The following PPP1R15B variants were observed in gnomAD, a reference collection of about 807,000 sequenced individuals.
PPP1R15B encodes protein phosphatase 1 regulatory subunit 15B, also known as protein phosphatase 1, regulatory (inhibitor) subunit 15B.
PPP1R15B carries 31 observed loss-of-function variants against 53.9 expected under a neutral mutation model. That is an observed-to-expected ratio of 0.58 (90% CI 0.43 to 0.78). The LOEUF (loss-of-function observed/expected upper bound fraction) is 0.78. PPP1R15B is among the 30% of genes least tolerant of loss of function. PPP1R15B has a pLI of 0.00. For synonymous variants in PPP1R15B, 345 were observed against 329.1 expected (o/e 1.05, Z -0.52); for missense variants, 928 against 849.6 (o/e 1.09, Z -1.15).
chr1:204,406,097 A>G lies in PPP1R15B; in HGVS notation c.2137T>C (p.Cys713Arg), dbSNP rs1455659861. ...TAGGACTACAGGCTGCCAACTCAAC[A>G]TTGCTTGAGAACATTAAGTCCTTTG... is the stretch of plus-strand genomic sequence containing the variant. ...CFKGLNVLKQC is the reference protein window; with the variant it reads ...CFKGLNVLKQR The change falls in exon 2 of 2, where the codon TGT (cysteine) becomes CGT (arginine). Residue 713 changes from cysteine (C) to arginine (R), a missense_variant. Coordinates refer to ENST00000367188, the MANE Select transcript of PPP1R15B (RefSeq NM_032833.5). The G allele has an allele frequency of 6.2e-7, 1 of 1,614,038 alleles. No individual in the cohort carries two copies. The highest frequency in any genetic ancestry group is 8.5e-7 in the Non-Finnish European group (1 of 1,179,974).
At position 204,410,697 on chromosome 1, in the gene PPP1R15B, G is replaced by C. The variant is rs1442107422; in HGVS notation, c.715C>G (p.Gln239Glu). The change falls in exon 1 of 2, where the codon CAG (glutamine) becomes GAG (glutamate). Residue 239 changes from glutamine to glutamate, a missense_variant. By Grantham distance (29) the Gln-to-Glu change is conservative. Coordinates refer to ENST00000367188, the MANE Select transcript of PPP1R15B (RefSeq NM_032833.5). ...ACCTCGCTATTTCCATCACTGTTCT[G>C]ATAGCTGACTTCTAGCCTAGGAAAG... Reference protein sequence around the residue: ...DCFPRLEVSYQNSDGNSEVVG... With the variant: ...DCFPRLEVSYENSDGNSEVVG... 2.5e-6 allele frequency: 4 copies of C among 1,614,130 alleles called. No individual in the cohort carries two copies. The highest frequency in any genetic ancestry group is 1.7e-6 in the Non-Finnish European group (2 of 1,179,984).
At position 204,411,381 on chromosome 1, in the gene PPP1R15B, G is replaced by A; in HGVS notation, c.31C>T (p.Arg11Trp). Residue 11 changes from arginine to tryptophan, a missense_variant, in exon 1 of 2, where the codon CGG (arginine) becomes TGG (tryptophan). By Grantham distance (101) the Arg-to-Trp change is moderately radical. Transcript: ENST00000367188. MEPGTGGSRK[R>W]LGPRAGFRFW... ...CGGAAGCCCGCCCGAGGGCCAAGCC[G>A]TTTCCGCGATCCGCCTGTCCCCGGC... 2 of 1,613,110 alleles carry A rather than the reference G, an allele frequency of 1.2e-6. No individual in the cohort carries two copies. Among genetic ancestry groups the A allele is most frequent in the African/African-American group, 1.3e-5 (1 of 75,034 alleles).
chr1:204,410,955 G>A lies in PPP1R15B; in HGVS notation c.457C>T (p.Pro153Ser), dbSNP rs1452524715. 3 of 1,614,152 alleles carry A rather than the reference G, an allele frequency of 1.9e-6. No individual in the cohort carries two copies. Among genetic ancestry groups the A allele is most frequent in the African/African-American group, 1.3e-5 (1 of 75,030 alleles). ...LEEGIHWQYS[P>S]PDLKLELKAK... ...TTAAGCTCCAATTTTAGGTCTGGGG[G>A]CGAGTATTGCCAGTGGATCCCCTCC... Residue 153 changes from proline (P) to serine (S), a missense_variant, in exon 1 of 2, where the codon CCC becomes TCC. By Grantham distance (74) the Pro-to-Ser change is moderately conservative (BLOSUM62 -1). Transcript: ENST00000367188.
In PPP1R15B at chr1:204,405,715, T is replaced by C. The variant is rs1674254280; in HGVS notation, c.*377A>G. 1 of 994,042 alleles carries C rather than the reference T, an allele frequency of 1.0e-6. No individual in the cohort carries two copies. The allele number at this position is 994,042 out of a possible 1,614,324, so 61.6% of individuals were successfully genotyped here. A position where few individuals can be genotyped will look rare whatever the true frequency, so the allele number is the denominator to read the frequency against. ...AAAGTTTTCAGATAGGCACACATAA[T>C]TTAGATTAGAAATGAAAATGGGCTT... On this transcript the variant is annotated 3_prime_UTR_variant, in exon 2 of 2. Coordinates refer to ENST00000367188, the MANE Select transcript of PPP1R15B (RefSeq NM_032833.5).
downstream of PPP1R15B, among the ~76,000 whole-genome samples, chr1:204,398,081 G>A (rs956748042): frequency 1.3e-5 from 2 of 152,180 alleles, no homozygotes; most frequent in African/African-American, 4.8e-5. Flanking sequence ...AGTGTATCAT[G>A]TGTCTAAAAT....
chr1:204,403,662 A>G lies in PPP1R15B; in HGVS notation c.*2430T>C, dbSNP rs1674216418. On this transcript the variant is annotated 3_prime_UTR_variant, in exon 2 of 2. Transcript: ENST00000367188. ...CTGTACAAAGCCTTTTACATGCTAC[A>G]TTGACACTTAAAGCACCATTAACAA... 4.1e-6 allele frequency: 4 copies of G among 984,910 alleles called. No homozygotes were observed. The highest frequency in any genetic ancestry group is 4.8e-6 in the Non-Finnish European group (4 of 829,016). The allele number at this position is 984,910 out of a possible 1,614,324, so 61.0% of individuals were successfully genotyped here.
chr1:204,408,463 T>G (rs1448411871), intron 1 of PPP1R15B, among the ~76,000 whole-genome samples: 1 of 152,190 alleles, frequency 6.6e-6, no homozygotes, highest in Non-Finnish European at 1.5e-5. Context: ...AATTTCAAAG[T>G]AGTAAGCTGG....
At chr1:204,400,337 T>C (rs1048266431), downstream of PPP1R15B, among the ~76,000 whole-genome samples, 1 of 151,548 alleles carries the variant, frequency 6.6e-6, no homozygotes, top group Non-Finnish European at 1.5e-5. Flanking sequence ...TGAAAGTTAA[T>C]CCATCTTTTT....
chr1:204,409,439 G>T (rs928925996), intron 1 of PPP1R15B, 53 bp downstream of exon 1: 2 of 1,533,184 alleles, frequency 1.3e-6, no homozygotes, highest in African/African-American at 1.4e-5. Context: ...CTATATTTAA[G>T]CATATAAAAA....
chr1:204,402,490 C>A (rs917324339), downstream of PPP1R15B, among the ~76,000 whole-genome samples: 4 of 152,116 alleles, frequency 2.6e-5, no homozygotes, highest in South Asian at 2.1e-4. Context: ...TCACTGCAGG[C>A]TTGAACTTCT....
In PPP1R15B at chr1:204,409,874, T is replaced by C. The variant is rs1270757016; in HGVS notation, c.1538A>G (p.Asp513Gly). The change falls in exon 1 of 2, where the codon GAT becomes GGT. Residue 513 changes from aspartate (D) to glycine (G), a missense_variant. Asp to Gly is a moderately conservative substitution (Grantham distance 94). Transcript: ENST00000367188. ...CTCTAGATCAGACTTGCCAGACAAA[T>C]CCTTCTCTGAATCAGAAGGCTCTTC... is the stretch of plus-strand genomic sequence containing the variant. ...VPEEPSDSEK[D>G]LSGKSDLENS... 6.8e-6 allele frequency: 11 copies of C among 1,613,990 alleles called. No individual in the cohort carries two copies. The highest frequency in any genetic ancestry group is 1.3e-5 in the African/African-American group (1 of 74,906).
downstream of PPP1R15B, among the ~76,000 whole-genome samples, chr1:204,396,935 T>G (rs572231400): frequency 3.5e-4 from 54 of 152,244 alleles, no homozygotes; most frequent in African/African-American, 1.3e-3. Context: ...GGCTCACACC[T>G]GTAATCTCAA....
chr1:204,403,007 G>C (rs768107574), downstream of PPP1R15B, among the ~76,000 whole-genome samples: 1 of 152,112 alleles, frequency 6.6e-6, no homozygotes, highest in Non-Finnish European at 1.5e-5. Context: ...GGAAGGTGGA[G>C]GTTGCAGTGA....
intron 1 of PPP1R15B, among the ~76,000 whole-genome samples, chr1:204,407,770 A>C (rs1007243383): frequency 3.9e-5 from 6 of 152,158 alleles, no homozygotes; most frequent in African/African-American, 7.2e-5. Context: ...TATCATCCCC[A>C]TTATACCGAT....
Position 204,409,400 on chromosome 1 carries a change from T to C in PPP1R15B, c.1920+92A>G, listed in dbSNP as rs1572255907. The C allele has an allele frequency of 5.0e-6, 7 of 1,398,830 alleles. 1 individual carries two copies. In the South Asian group the frequency reaches 8.5e-5, roughly 17 times the overall value. The allele number at this position is 1,398,830 out of a possible 1,614,324, so 86.7% of individuals were successfully genotyped here. On this transcript the variant is annotated intron_variant, in intron 1 of 1. Coordinates refer to ENST00000367188, the MANE Select transcript of PPP1R15B (RefSeq NM_032833.5). ...TTTAGAGGCCTTCCTCAAAAATACA[T>C]GCACTCCTAAGCCTCCAAAGTCATG...
Position 204,411,546 on chromosome 1 carries a change from A to G in PPP1R15B, c.-135T>C. 2.4e-6 allele frequency: 3 copies of G among 1,244,816 alleles called. No homozygotes were observed. The highest frequency in any genetic ancestry group is 3.3e-6 in the Non-Finnish European group (3 of 903,094). 77.1% of individuals were successfully genotyped at this position (1,244,816 alleles called of 1,614,324 possible). On this transcript the variant is annotated 5_prime_UTR_variant, in exon 1 of 2. Coordinates refer to ENST00000367188, the MANE Select transcript of PPP1R15B (RefSeq NM_032833.5). ...GCTGCTCCAGGCCGATCTTCGAGCCAGCAGAAAAGCCACAGAGGGCAGCGA... is the reference window on the plus strand; with the variant it reads ...GCTGCTCCAGGCCGATCTTCGAGCCGGCAGAAAAGCCACAGAGGGCAGCGA...
At chr1:204,402,983 A>T (rs1276594141), downstream of PPP1R15B, among the ~76,000 whole-genome samples, 1 of 152,062 alleles carries the variant, frequency 6.6e-6, no homozygotes, top group Non-Finnish European at 1.5e-5. Flanking sequence ...GAGGCAGGAG[A>T]ATCGCTTGAA....
chr1:204,409,735 GA>G lies in PPP1R15B; in HGVS notation c.1676del (p.Phe559SerfsTer11). ...GGTTGTAGGGGTCATCAGAATTACAGAATGAGTTCCACAGTTTGAGACTCTC... is the reference window on the plus strand; with the variant it reads ...GGTTGTAGGGGTCATCAGAATTACAGATGAGTTCCACAGTTTGAGACTCTC... ...EAESLKLWNSFCNSDDPYNPL... is the reference protein window; with the variant it reads ...EAESLKLWNSXCNSDDPYNPL... On this transcript the variant is annotated frameshift_variant, in exon 1 of 2. Transcript: ENST00000367188. LOFTEE classifies it high-confidence loss of function. 1.2e-6 allele frequency: 2 copies of G among 1,614,100 alleles called. No homozygotes were observed. Among genetic ancestry groups the G allele is most frequent in the Non-Finnish European group, 1.7e-6 (2 of 1,180,008 alleles).
rs1674256606 is a variant in PPP1R15B at position 204,405,910 on chromosome 1, G to GCTTCAAA, written c.*181_*182insTTTGAAG. 5 of 1,397,614 alleles carry GCTTCAAA rather than the reference G, an allele frequency of 3.6e-6. No individual in the cohort carries two copies. 86.6% of individuals were successfully genotyped at this position (1,397,614 alleles called of 1,614,324 possible). On this transcript the variant is annotated 3_prime_UTR_variant, in exon 2 of 2. Transcript: ENST00000367188. ...ACACTAGTTCATCCTTCATTATCAGGGCTGGCTTCAAACCTGAATGTTTCT... is the reference window on the plus strand; with the variant it reads ...ACACTAGTTCATCCTTCATTATCAGGCTTCAAAGCTGGCTTCAAACCTGAATGTTTCT...
Sources: gnomAD v4.1 joint callset for allele counts (sites outside exome capture counted in the v4.1 genomes callset) on GRCh38, gnomAD v4.1.1 for gene constraint, MANE v1.5 for transcripts, NCBI Gene and HGNC (gene_info 2026-07-23, HGNC 2026-07-21) for gene names.